Variants in CNTNAP3 observed in about 807,000 individuals in gnomAD.
CNTNAP3 encodes contactin-associated protein-like 3.
A neutral mutation model predicts 92.1 loss-of-function variants in CNTNAP3; 36 were observed. The observed-to-expected ratio is 0.39, with a 90% CI of 0.30 to 0.52. The LOEUF is 0.52. CNTNAP3 is among the 20% of genes least tolerant of loss of function. The pLI, the probability that CNTNAP3 is intolerant of heterozygous loss-of-function variation, is 0.76. For synonymous variants in CNTNAP3, 232 were observed against 422.3 expected (o/e 0.55, Z 5.53); for missense variants, 534 against 1,069.6 (o/e 0.50, Z 6.98).
intron 17 of CNTNAP3, among the ~76,000 whole-genome samples, chr9:39,101,989 C>T (rs1234597234): frequency 2.0e-5 from 3 of 152,206 alleles, no homozygotes; most frequent in Non-Finnish European, 2.9e-5. Context: ...TACCTAAACA[C>T]TGAGATACTG....
rs1822727075 is a variant in CNTNAP3 at position 39,234,386 on chromosome 9, A to T, written c.390+4607T>A. On this transcript the variant is annotated intron_variant, in intron 3 of 23. Coordinates refer to ENST00000297668, the MANE Select transcript of CNTNAP3 (RefSeq NM_033655.5). ...TATCTTTTCTCTCTTTCTGATTCAG[A>T]ACATTTGTTCTTATTAGGCCACGTG... Among the ~76,000 whole-genome samples the T allele has an allele frequency of 7.2e-5, 2 of 27,734 alleles. 1 individual carries two copies. The highest frequency in any genetic ancestry group is 1.4e-3 in the Admixed American group (2 of 1,414). 18.2% of individuals were successfully genotyped at this position (27,734 alleles called of 152,430 possible).
chr9:39,149,722 C>T (rs1285590788), intron 10 of CNTNAP3, 84 bp downstream of exon 10: 25 of 715,900 alleles, frequency 3.5e-5, no homozygotes, highest in Non-Finnish European at 9.3e-6. Context: ...AAAAAGAGAA[C>T]GGAATGCCTT....
Position 39,123,017 on chromosome 9 carries a change from A to G in CNTNAP3, c.2081-4758T>C, listed in dbSNP as rs541748137. ...AATCAGTGAGTTTGAAGATACGTCAATAAAATTTTTCCATTAAACACAAAG... is the reference window on the plus strand; with the variant it reads ...AATCAGTGAGTTTGAAGATACGTCAGTAAAATTTTTCCATTAAACACAAAG... On this transcript the variant is annotated intron_variant, in intron 13 of 23. Transcript: ENST00000297668. Among the ~76,000 whole-genome samples the G allele has an allele frequency of 3.9e-5, 6 of 152,262 alleles. No individual in the cohort carries two copies. In the South Asian group the frequency reaches 8.3e-4, roughly 21 times the overall value.
At chr9:39,137,433 C>T (rs1413818843) in intron 12 of CNTNAP3, among the ~76,000 whole-genome samples, 1 of 152,028 alleles carries the variant, frequency 6.6e-6, no homozygotes, top group Non-Finnish European at 1.5e-5. Context: ...CAGCTTTTTC[C>T]ATATTAATTA....
At chr9:39,101,243 C>A (rs1287407480) in intron 17 of CNTNAP3, among the ~76,000 whole-genome samples, 1 of 151,002 alleles carries the variant, frequency 6.6e-6, no homozygotes, top group Non-Finnish European at 1.5e-5. Flanking sequence ...TGGTATAACA[C>A]CCCATCCACA....
At chr9:39,137,051 CATT>C (rs1821454686) in intron 12 of CNTNAP3, among the ~76,000 whole-genome samples, 1 of 151,512 alleles carries the variant, frequency 6.6e-6, no homozygotes, top group South Asian at 2.1e-4. Flanking sequence ...AATTCTCAGT[CATT>C]ATTTCTTCAA....
intron 14 of CNTNAP3, among the ~76,000 whole-genome samples, chr9:39,116,717 T>C (rs1049780559): frequency 2.0e-5 from 3 of 152,084 alleles, no homozygotes; most frequent in African/African-American, 7.2e-5. Flanking sequence ...TTTAGTAATT[T>C]TGAACTTGAG....
chr9:39,069,402 A>G lies in CNTNAP3; in HGVS notation c.*4488T>C, dbSNP rs1472429936. ...ATTTTAAGGGCTTTCTTAAATTTTT[A>G]GGTACCATCACAAGCTAGCTAAGTT... is the stretch of plus-strand genomic sequence containing the variant. On this transcript the variant is annotated 3_prime_UTR_variant, in exon 24 of 24. Coordinates refer to ENST00000297668, the MANE Select transcript of CNTNAP3 (RefSeq NM_033655.5). 6.6e-6 allele frequency among the ~76,000 whole-genome samples: 1 copy of G among 152,308 alleles called. No individual in the cohort carries two copies. The highest frequency in any genetic ancestry group is 1.5e-5 in the Non-Finnish European group (1 of 68,056).
chr9:39,098,974 CT>C (rs201666622), intron 18 of CNTNAP3, among the ~76,000 whole-genome samples: 3,386 of 144,264 alleles, frequency 0.023, 70 homozygotes, highest in South Asian at 0.098. Flanking sequence ...TTTTCCTTTT[CT>C]TTTTTTTTTT....
chr9:39,076,633 T>C (rs1825772805), intron 23 of CNTNAP3, among the ~76,000 whole-genome samples: 1 of 152,424 alleles, frequency 6.6e-6, no homozygotes, highest in African/African-American at 2.4e-5. Context: ...TTTACTCTTG[T>C]ATGTGCTATG....
At chr9:39,122,699 A>G (rs188208859) in intron 13 of CNTNAP3, among the ~76,000 whole-genome samples, 1 of 152,340 alleles carries the variant, frequency 6.6e-6, no homozygotes, top group East Asian at 1.9e-4. Flanking sequence ...GGCTTTCAAC[A>G]GAAAATTGCA....
rs1271964111 is a variant in CNTNAP3, at chr9:39,065,748, G to T, written c.*8142C>A. Among the ~76,000 whole-genome samples the T allele has an allele frequency of 6.6e-6, 1 of 152,114 alleles. No individual in the cohort carries two copies. The highest frequency in any genetic ancestry group is 1.5e-5 in the Non-Finnish European group (1 of 68,020). On this transcript the variant is annotated 3_prime_UTR_variant, in exon 24 of 24. Coordinates refer to ENST00000297668, the MANE Select transcript of CNTNAP3 (RefSeq NM_033655.5). ...TATTGAACATTTTTGTGTGCTTTTT[G>T]TCCACTGGCCTAGCACTTTTCGTCA... is the stretch of plus-strand genomic sequence containing the variant.
intron 11 of CNTNAP3, 147 bp downstream of exon 11, chr9:39,144,093 G>T: frequency 1.4e-6 from 2 of 1,406,776 alleles, no homozygotes; most frequent in South Asian, 3.2e-5. Flanking sequence ...AAATAAGGTG[G>T]ATTAAAAGTA....
intron 13 of CNTNAP3, among the ~76,000 whole-genome samples, chr9:39,119,723 A>G (rs1032947894): frequency 2.0e-5 from 3 of 152,282 alleles, no homozygotes; most frequent in African/African-American, 4.8e-5. Flanking sequence ...CACCAAGTAT[A>G]ATGATAGATT....
chr9:39,077,559 AAAACAAACAAAC>A (rs200606454), intron 23 of CNTNAP3, among the ~76,000 whole-genome samples: 56,434 of 147,078 alleles, frequency 0.38, 11,217 homozygotes, highest in African/African-American at 0.52. Context: ...TCTGTCTCAA[AAAACAAACAAAC>A]AAACAAACAA....
At chr9:39,076,255 C>T (rs1207549222) in intron 23 of CNTNAP3, among the ~76,000 whole-genome samples, 2 of 152,302 alleles carry the variant, frequency 1.3e-5, no homozygotes, top group African/African-American at 4.8e-5. Context: ...CTAACCCTGA[C>T]ATTGTGTAAA....
intron 15 of CNTNAP3, among the ~76,000 whole-genome samples, chr9:39,107,085 G>T (rs2117893636): frequency 6.6e-6 from 1 of 152,060 alleles, no homozygotes; most frequent in Non-Finnish European, 1.5e-5. Context: ...ATGTCGAGAA[G>T]AATTCAACTC....
At chr9:39,082,932 A>G (rs545396844) in intron 21 of CNTNAP3, among the ~76,000 whole-genome samples, 126 of 152,334 alleles carry the variant, frequency 8.3e-4, no homozygotes, top group Non-Finnish European at 1.5e-3. Flanking sequence ...AAAACAGTTA[A>G]AAGCTGTTAA....
intron 9 of CNTNAP3, chr9:39,154,958 T>C (rs1821923436): frequency 6.8e-6 from 1 of 147,412 alleles, no homozygotes; most frequent in African/African-American, 2.9e-5. Context: ...ACAAATCCAC[T>C]GACTGAAATA....
Sources: allele counts gnomAD v4.1 joint callset (sites outside exome capture counted in the v4.1 genomes callset), GRCh38; gene constraint gnomAD v4.1.1; transcripts MANE v1.5; gene names NCBI Gene and HGNC (gene_info 2026-07-23, HGNC 2026-07-21).